The following NEGR1 variants were observed in gnomAD, a reference collection of about 807,000 sequenced individuals.
NEGR1 encodes IgLON family member 4.
In NEGR1, 10 loss-of-function variants were observed where a neutral mutation model predicts 40.9. The observed-to-expected ratio is 0.24, with a 90% confidence interval of 0.15 to 0.42. The LOEUF (loss-of-function observed/expected upper bound fraction) is 0.42. NEGR1 is among the 10% of genes least tolerant of loss of function. NEGR1 has a pLI of 1.00. For synonymous variants in NEGR1, 185 were observed against 166.8 expected (o/e 1.11, Z -0.84); for missense variants, 352 against 438.9 (o/e 0.80, Z 1.77).
chr1:71,675,339 A>T (rs539077615), intron 4 of NEGR1, among the ~76,000 whole-genome samples: 2 of 150,770 alleles, frequency 1.3e-5, no homozygotes, highest in South Asian at 2.1e-4. Flanking sequence ...ATTCTGAGTC[A>T]CTCTATGGGA....
At chr1:71,660,047 T>C (rs1355720465) in intron 4 of NEGR1, among the ~76,000 whole-genome samples, 1 of 152,168 alleles carries the variant, frequency 6.6e-6, no homozygotes, top group Non-Finnish European at 1.5e-5. Context: ...GCAGTACTAT[T>C]TGCAATAGCA....
At chr1:71,973,842 T>A (rs763365499) in intron 1 of NEGR1, among the ~76,000 whole-genome samples, 4 of 152,214 alleles carry the variant, frequency 2.6e-5, no homozygotes, top group Non-Finnish European at 4.4e-5. Context: ...GGCTTGTGGC[T>A]TCTTGTGTCT....
intron 1 of NEGR1, among the ~76,000 whole-genome samples, chr1:72,242,555 G>A (rs1654779700): frequency 6.6e-6 from 1 of 151,496 alleles, no homozygotes; most frequent in Admixed American, 6.6e-5. Flanking sequence ...CAGAGGTTTA[G>A]TGAACATCTG....
At chr1:72,089,804 T>C (rs1422513647) in intron 1 of NEGR1, among the ~76,000 whole-genome samples, 16 of 152,174 alleles carry the variant, frequency 1.1e-4, no homozygotes, top group Admixed American at 7.2e-4. Context: ...TTATGGACTA[T>C]TAAATATATG....
intron 2 of NEGR1, among the ~76,000 whole-genome samples, chr1:71,811,756 C>T (rs1391567805): frequency 2.0e-5 from 3 of 150,774 alleles, no homozygotes; most frequent in East Asian, 3.9e-4. Flanking sequence ...ATAGTAGTTG[C>T]TAACTTAATG....
chr1:71,412,165 A>G (rs1009978238), intron 6 of NEGR1, among the ~76,000 whole-genome samples: 1 of 152,142 alleles, frequency 6.6e-6, no homozygotes, highest in Admixed American at 6.6e-5. Context: ...ATCTGGTTCT[A>G]GTCAACTTAT....
chr1:71,806,522 T>A (rs559147246), intron 2 of NEGR1, among the ~76,000 whole-genome samples: 67 of 152,118 alleles, frequency 4.4e-4, no homozygotes, highest in African/African-American at 1.5e-3. Context: ...AAATCTAGCA[T>A]GTATTTTTCT....
chr1:71,507,987 A>G (rs1256629740), intron 6 of NEGR1, among the ~76,000 whole-genome samples: 1 of 152,114 alleles, frequency 6.6e-6, no homozygotes, highest in Non-Finnish European at 1.5e-5. Flanking sequence ...TGTCTCCCCC[A>G]CAAGTTATTA....
At chr1:72,064,032 T>C (rs527689401) in intron 1 of NEGR1, among the ~76,000 whole-genome samples, 4 of 151,638 alleles carry the variant, frequency 2.6e-5, no homozygotes, top group African/African-American at 9.7e-5. Flanking sequence ...AATTATTCTA[T>C]ATTAGAACAA....
At chr1:72,220,612 A>G (rs1052133494) in intron 1 of NEGR1, among the ~76,000 whole-genome samples, 1 of 152,002 alleles carries the variant, frequency 6.6e-6, no homozygotes, top group Non-Finnish European at 1.5e-5. Flanking sequence ...GTGATATAGT[A>G]CTTACTAACT....
intron 1 of NEGR1, among the ~76,000 whole-genome samples, chr1:72,096,887 T>C (rs2100234634): frequency 6.6e-6 from 1 of 152,202 alleles, no homozygotes; most frequent in Middle Eastern, 3.4e-3. Context: ...TTTCACCATG[T>C]TAGCCAGGAT....
chr1:71,445,340 G>A (rs1028959726), intron 6 of NEGR1, among the ~76,000 whole-genome samples: 1 of 151,006 alleles, frequency 6.6e-6, no homozygotes, highest in African/African-American at 2.4e-5. Flanking sequence ...TGTCAAAATT[G>A]TCTTAAAGCA....
At chr1:72,082,871 G>C (rs1648061918) in intron 1 of NEGR1, among the ~76,000 whole-genome samples, 1 of 152,054 alleles carries the variant, frequency 6.6e-6, no homozygotes. Flanking sequence ...AAACACAAAA[G>C]AAATGGTAAC....
At chr1:71,954,452 A>T (rs1467231083) in intron 1 of NEGR1, among the ~76,000 whole-genome samples, 2 of 152,008 alleles carry the variant, frequency 1.3e-5, no homozygotes, top group African/African-American at 4.8e-5. Context: ...ACTGGATAGT[A>T]AGCTATGATT....
At chr1:71,946,771 A>G (rs1380252042) in intron 1 of NEGR1, among the ~76,000 whole-genome samples, 1 of 152,048 alleles carries the variant, frequency 6.6e-6, no homozygotes. Context: ...TTTTATAATT[A>G]TTAATAGTAT....
At chr1:72,221,940 T>A (rs773713430) in intron 1 of NEGR1, among the ~76,000 whole-genome samples, 8 of 152,002 alleles carry the variant, frequency 5.3e-5, no homozygotes, top group Non-Finnish European at 1.2e-4. Flanking sequence ...AGATATATGT[T>A]CTAGGCCCAC....
chr1:72,256,817 A>T (rs531717276), intron 1 of NEGR1, among the ~76,000 whole-genome samples: 20 of 152,334 alleles, frequency 1.3e-4, no homozygotes, highest in African/African-American at 4.3e-4. Flanking sequence ...CCATGTAATG[A>T]CATGGTAAAC....
intron 1 of NEGR1, among the ~76,000 whole-genome samples, chr1:72,056,973 G>C (rs1378202839): frequency 2.6e-5 from 4 of 151,424 alleles, no homozygotes; most frequent in Non-Finnish European, 3.0e-5. Context: ...AAACTTTCCT[G>C]CACTGATGCA....
chr1:71,718,368 C>G (rs1002247114), intron 3 of NEGR1, among the ~76,000 whole-genome samples: 29 of 152,146 alleles, frequency 1.9e-4, no homozygotes, highest in African/African-American at 6.8e-4. Context: ...GCCTGTTCCC[C>G]CTTTGCCTTC....
Sources: allele counts gnomAD v4.1 joint callset (sites outside exome capture counted in the v4.1 genomes callset), GRCh38; gene constraint gnomAD v4.1.1; transcripts MANE v1.5; gene names NCBI Gene and HGNC (gene_info 2026-07-23, HGNC 2026-07-21).